The following CRACD variants were observed in gnomAD, a reference collection of about 807,000 sequenced individuals.
CRACD encodes capping protein inhibiting regulator of actin dynamics.
In CRACD, 56 loss-of-function variants were observed where a neutral mutation model predicts 106.8. The ratio of observed to expected loss-of-function variants is 0.52; its 90% CI spans 0.42 to 0.66. The LOEUF is 0.66. Ranked by LOEUF, CRACD falls within the 30% of genes least tolerant of loss-of-function variation. CRACD has a pLI of 0.00. For synonymous variants in CRACD, 754 were observed against 670.8 expected, an observed-to-expected ratio of 1.12 and a Z score of -1.92; for missense variants, 1,730 against 1,623.2, an observed-to-expected ratio of 1.07 and a Z score of -1.13.
intron 1 of CRACD, among the ~76,000 whole-genome samples, chr4:56,166,641 T>G (rs1056673606): frequency 7.6e-6 from 1 of 131,218 alleles, no homozygotes; most frequent in African/African-American, 3.0e-5. Flanking sequence ...ACCACTGCAC[T>G]CTAGCCTGGG....
chr4:56,291,925 G>T (rs554063406), intron 3 of CRACD, among the ~76,000 whole-genome samples: 23 of 152,352 alleles, frequency 1.5e-4, no homozygotes, highest in African/African-American at 5.3e-4. Flanking sequence ...TGTCAAAGCA[G>T]CCTTGGAACT....
At chr4:56,109,887 A>G (rs1321280264) in intron 1 of CRACD, among the ~76,000 whole-genome samples, 1 of 152,134 alleles carries the variant, frequency 6.6e-6, no homozygotes, top group Non-Finnish European at 1.5e-5. Flanking sequence ...TGGAAAATCC[A>G]CAGAGAGGGA....
intron 1 of CRACD, among the ~76,000 whole-genome samples, chr4:56,117,886 T>C (rs1282262230): frequency 6.6e-6 from 1 of 152,008 alleles, no homozygotes; most frequent in African/African-American, 2.4e-5. Flanking sequence ...GCCTTCCAAG[T>C]TACCTGGGAT....
chr4:56,073,403 T>C (rs1351555796), intron 1 of CRACD, among the ~76,000 whole-genome samples: 1 of 152,248 alleles, frequency 6.6e-6, no homozygotes, highest in Non-Finnish European at 1.5e-5. Flanking sequence ...ATAAATGTCT[T>C]CTTTTGAAAA....
rs552787892 is a variant in CRACD, at chr4:56,314,119, C to T, written c.617C>T (p.Thr206Met). ...GGACACCCAGGCGAGGACAAGCCAA[C>T]GTGGCACGAAGAGGAACCCAATCCG... ...QNGHPGEDKP[T>M]WHEEEPNPLD... The change falls in exon 8 of 11, where the codon ACG becomes ATG. Residue 206 changes from threonine (T) to methionine (M), a missense_variant. By Grantham distance (81) the Thr-to-Met change is moderately conservative. Around this residue, in one of 5 missense-constraint regions of CRACD, gnomAD observed 1,620 missense variants for 1,481.6 expected, o/e 1.09. Coordinates refer to ENST00000682029, the MANE Select transcript of CRACD (RefSeq NM_001393381.1). This position sits in a 1 kb window ranked among gnomAD's most constrained non-coding sequence, Gnocchi z 4.4. 3.1e-6 allele frequency: 5 copies of T among 1,614,180 alleles called. No homozygotes were observed. The South Asian group carries it at 3.3e-5, about 11-fold the overall frequency.
chr4:56,312,648 C>T (rs1560532281), intron 6 of CRACD, among the ~76,000 whole-genome samples: 1 of 152,174 alleles, frequency 6.6e-6, no homozygotes, highest in African/African-American at 2.4e-5. Flanking sequence ...GGACTAAGTC[C>T]TGTGTAGGAG....
chr4:56,050,891 G>A (rs557250690), intron 1 of CRACD, among the ~76,000 whole-genome samples: 1 of 152,266 alleles, frequency 6.6e-6, no homozygotes, highest in East Asian at 1.9e-4. Flanking sequence ...AGTACTTACC[G>A]ACCACTGAAT....
chr4:56,253,370 A>T (rs12506535), intron 2 of CRACD, among the ~76,000 whole-genome samples: 13,452 of 152,222 alleles, frequency 0.088, 1,791 homozygotes, highest in East Asian at 0.61. Flanking sequence ...TCAAAGAAAC[A>T]GTTCGTAGAA....
intron 1 of CRACD, among the ~76,000 whole-genome samples, chr4:56,099,596 C>T (rs1422832170): frequency 1.3e-5 from 2 of 152,272 alleles, no homozygotes; most frequent in East Asian, 3.9e-4. Context: ...ACCTGGCTCC[C>T]ATTCCCATGA....
chr4:56,082,531 G>C lies in CRACD; in HGVS notation c.-336+33232G>C, dbSNP rs182160778. On this transcript the variant is annotated intron_variant, in intron 1 of 10. Transcript: ENST00000682029. ...TTATGAGGGGGATGGTAGGGTAGAT[G>C]GAGTGAAGTAGATAGATTTGTGTAT... Among the ~76,000 whole-genome samples, 168 of 152,302 alleles carry C rather than the reference G, an allele frequency of 1.1e-3. 1 individual carries two copies. Among genetic ancestry groups the C allele is most frequent in the African/African-American group, 3.6e-3 (150 of 41,556 alleles).
At chr4:56,226,737 G>A (rs3889854) in intron 2 of CRACD, among the ~76,000 whole-genome samples, 26,331 of 151,898 alleles carry the variant, frequency 0.17, 2,959 homozygotes, top group East Asian at 0.58. Context: ...TGGGGCAAGG[G>A]AAGGTGAGTG....
intron 1 of CRACD, among the ~76,000 whole-genome samples, chr4:56,121,455 C>A (rs1181738242): frequency 6.6e-6 from 1 of 152,092 alleles, no homozygotes; most frequent in Non-Finnish European, 1.5e-5. Flanking sequence ...ACCAGCCTGG[C>A]CAACATGGTG....
At chr4:56,077,365 A>G (rs192975877) in intron 1 of CRACD, among the ~76,000 whole-genome samples, 78 of 152,282 alleles carry the variant, frequency 5.1e-4, no homozygotes, top group Admixed American at 2.7e-3. Context: ...CCCTCCCATG[A>G]TATGTGGGCA....
chr4:56,080,446 G>A (rs558820458), intron 1 of CRACD, among the ~76,000 whole-genome samples: 78 of 152,298 alleles, frequency 5.1e-4, no homozygotes, highest in Admixed American at 1.4e-3. Context: ...TTGTTTTAAG[G>A]GTGTTTTATG....
chr4:56,267,770 T>C (rs1376666326), intron 2 of CRACD, among the ~76,000 whole-genome samples: 1 of 152,226 alleles, frequency 6.6e-6, no homozygotes, highest in African/African-American at 2.4e-5. Flanking sequence ...CTTTGTTCCA[T>C]TTTCCAGGGT....
chr4:56,155,823 A>T (rs1176863146), intron 1 of CRACD, among the ~76,000 whole-genome samples: 1 of 152,230 alleles, frequency 6.6e-6, no homozygotes, highest in Non-Finnish European at 1.5e-5. Flanking sequence ...CTAAAATTTT[A>T]AAGAGATACT....
chr4:56,082,539 G>C (rs979847257), intron 1 of CRACD, among the ~76,000 whole-genome samples: 6 of 152,152 alleles, frequency 3.9e-5, no homozygotes, highest in African/African-American at 7.2e-5. Context: ...ATGGAGTGAA[G>C]TAGATAGATT....
intron 1 of CRACD, among the ~76,000 whole-genome samples, chr4:56,078,704 CT>C (rs1335705610): frequency 6.6e-6 from 1 of 152,218 alleles, no homozygotes; most frequent in Non-Finnish European, 1.5e-5. Flanking sequence ...GTGTAAGCCA[CT>C]GCACCGGGCA....
In CRACD at chr4:56,301,802, C is replaced by T. The variant is rs1744385649; in HGVS notation, c.120+3453C>T. Among the ~76,000 whole-genome samples, 3 of 152,128 alleles carry T rather than the reference C, an allele frequency of 2.0e-5. No individual in the cohort carries two copies. The South Asian group carries it at 6.2e-4, about 32-fold the overall frequency. ...TTCCTGAGTAATGTGAATCTACCATCTGCCACAATTTCTGTGGCAGATTTA... is the reference window on the plus strand; with the variant it reads ...TTCCTGAGTAATGTGAATCTACCATTTGCCACAATTTCTGTGGCAGATTTA... On this transcript the variant is annotated intron_variant, in intron 4 of 10. Coordinates refer to ENST00000682029, the MANE Select transcript of CRACD (RefSeq NM_001393381.1).
Sources: gnomAD v4.1 joint callset for allele counts (sites outside exome capture counted in the v4.1 genomes callset) on GRCh38, gnomAD v4.1.1 for gene constraint, gnomAD v4.1.1 regional missense constraint, Gnocchi (gnomAD v3.1) non-coding constraint, MANE v1.5 for transcripts, NCBI Gene and HGNC (gene_info 2026-07-23, HGNC 2026-07-21) for gene names.